Variants in CLCN4 observed in about 807,000 individuals in gnomAD.
CLCN4 encodes the protein Cl-/H+ antiporter 4, also known as H(+)/Cl(-) exchange transporter 4.
A neutral mutation model predicts 41.7 loss-of-function variants in CLCN4; 1 was observed. That is an observed-to-expected ratio of 0.02 (90% CI 0.01 to 0.11). The LOEUF is 0.11. CLCN4 is among the 10% of genes least tolerant of loss of function. The probability of loss-of-function intolerance (pLI) is 1.00; values close to 1 mark genes in which losing one functional copy is unlikely to be tolerated. For synonymous variants in CLCN4, 277 were observed against 285.8 expected, an observed-to-expected ratio of 0.97 and a Z score of 0.31; for missense variants, 287 against 661.0, an observed-to-expected ratio of 0.43 and a Z score of 6.20.
chrX:10,212,746 T>C lies in CLCN4; in HGVS notation c.1576+93T>C. 4.7e-6 allele frequency: 4 copies of C among 843,820 alleles called. No homozygotes were observed. In the South Asian group the frequency reaches 1.0e-4, roughly 22 times the overall value. 69.5% of individuals were successfully genotyped at this position (843,820 alleles called of 1,213,427 possible). On this transcript the variant is annotated intron_variant, in intron 10 of 12. Coordinates refer to ENST00000380833, the MANE Select transcript of CLCN4 (RefSeq NM_001830.4). Reference sequence around the variant, plus strand: ...GAAGACATGGACTTGAACATTTTCTTTACTCAGGATAGGCTGGGTTGTGTG... The same window carrying C: ...GAAGACATGGACTTGAACATTTTCTCTACTCAGGATAGGCTGGGTTGTGTG...
At chrX:10,187,658 G>C in intron 4 of CLCN4, 44 bp downstream of exon 4, 1 of 1,020,560 alleles carries the variant, frequency 9.8e-7, no homozygotes, top group Non-Finnish European at 1.4e-6. Context: ...AGCTGCAGAG[G>C]CCGAAACCTC....
chrX:10,228,416 C>G (rs950522043), intron 12 of CLCN4, among the ~76,000 whole-genome samples: 2 of 110,629 alleles, frequency 1.8e-5, no homozygotes, highest in African/African-American at 6.6e-5. Flanking sequence ...CCCTGCCAGC[C>G]GACCCTGACC....
intron 6 of CLCN4, among the ~76,000 whole-genome samples, chrX:10,204,613 CTTTTTTTTTTT>C (rs61453535): frequency 0.03 from 830 of 27,273 alleles, 22 homozygotes; most frequent in African/African-American, 0.059. Context: ...AGCTAGTAGT[CTTTTTTTTTTT>C]TTTTTTTTTT....
chrX:10,198,437 C>T (rs144811325), intron 6 of CLCN4, among the ~76,000 whole-genome samples: 2,282 of 112,053 alleles, frequency 0.02, 58 homozygotes, highest in African/African-American at 0.07. Flanking sequence ...CACATAAACA[C>T]GCTGTAATAA....
In CLCN4 at chrX:10,234,640, AAGAGAAATAC is replaced by A. The variant is rs1233132577; in HGVS notation, c.*1057_*1066del. 1 of 112,669 alleles carries A rather than the reference AAGAGAAATAC, an allele frequency of 8.9e-6. No individual in the cohort carries two copies. The highest frequency in any genetic ancestry group is 1.9e-5 in the Non-Finnish European group (1 of 53,347). 9.3% of individuals were successfully genotyped at this position (112,669 alleles called of 1,213,427 possible). ...GTTGGAATCCCTCCAAATGGATTGCAAGAGAAATACTAAATTGATTCTAAATCTGTTCCAT... is the reference window on the plus strand; with the variant it reads ...GTTGGAATCCCTCCAAATGGATTGCATAAATTGATTCTAAATCTGTTCCAT... On this transcript the variant is annotated 3_prime_UTR_variant, in exon 13 of 13. Coordinates refer to ENST00000380833, the MANE Select transcript of CLCN4 (RefSeq NM_001830.4).
At chrX:10,225,572 G>A (rs1015307941) in intron 12 of CLCN4, among the ~76,000 whole-genome samples, 5 of 111,912 alleles carry the variant, frequency 4.5e-5, no homozygotes, top group African/African-American at 1.6e-4. Flanking sequence ...AGTTTCTTTT[G>A]CTGTGCAGAA....
intron 2 of CLCN4, among the ~76,000 whole-genome samples, chrX:10,170,996 T>C (rs1923373763): frequency 8.9e-6 from 1 of 112,268 alleles, no homozygotes; most frequent in African/African-American, 3.2e-5. Flanking sequence ...GAGATTCTCT[T>C]GCGTCAGCCT....
At chrX:10,231,688 G>A (rs925976071) in intron 12 of CLCN4, among the ~76,000 whole-genome samples, 2 of 111,841 alleles carry the variant, frequency 1.8e-5, no homozygotes, top group African/African-American at 3.3e-5. Context: ...TTCCAACATA[G>A]GTAACGCTAT....
chrX:10,229,183 C>T (rs1047071201), intron 12 of CLCN4, among the ~76,000 whole-genome samples: 1 of 111,041 alleles, frequency 9.0e-6, no homozygotes, highest in Non-Finnish European at 1.9e-5. Flanking sequence ...ACTGGGGATT[C>T]CTATCTGCCT....
chrX:10,210,071 C>T (rs1924505449), intron 9 of CLCN4, among the ~76,000 whole-genome samples: 1 of 111,776 alleles, frequency 8.9e-6, no homozygotes, highest in African/African-American at 3.3e-5. Context: ...TTGGACACTT[C>T]ATATAAATGA....
At chrX:10,189,025 C>A (rs1923887082) in intron 4 of CLCN4, among the ~76,000 whole-genome samples, 1 of 112,194 alleles carries the variant, frequency 8.9e-6, no homozygotes, top group Non-Finnish European at 1.9e-5. Context: ...GTACTGGCAG[C>A]AGCCAGGGCA....
intron 2 of CLCN4, among the ~76,000 whole-genome samples, chrX:10,182,851 C>T (rs924861319): frequency 3.6e-5 from 4 of 112,526 alleles, no homozygotes; most frequent in African/African-American, 1.3e-4. Context: ...CTGCATGTTC[C>T]GTCAAAGTTT....
At chrX:10,196,538 C>CTTTTTTT (rs141362799) in intron 5 of CLCN4, among the ~76,000 whole-genome samples, 16,704 of 79,938 alleles carry the variant, frequency 0.21, 1,695 homozygotes, top group African/African-American at 0.28. Flanking sequence ...CCCTTCCCCA[C>CTTTTTTT]TTTTTTTTTT....
intron 5 of CLCN4, among the ~76,000 whole-genome samples, chrX:10,196,997 G>C (rs1004846169): frequency 8.9e-6 from 1 of 112,259 alleles, no homozygotes; most frequent in African/African-American, 3.2e-5. Flanking sequence ...GTAAAGGCCA[G>C]AGCAGTCTCC....
chrX:10,217,902 G>A (rs1181622529), intron 11 of CLCN4, among the ~76,000 whole-genome samples: 3 of 110,728 alleles, frequency 2.7e-5, no homozygotes, highest in Non-Finnish European at 3.8e-5. Flanking sequence ...GCCACCAGGC[G>A]TGGCTAATTT....
At position 10,208,189 on chromosome X, in the gene CLCN4, G is replaced by T. The variant is rs370623253; in HGVS notation, c.988G>T (p.Ala330Ser). The T allele has an allele frequency of 8.3e-7, 1 of 1,211,363 alleles. No homozygotes were observed. The highest frequency in any genetic ancestry group is 1.1e-6 in the Non-Finnish European group (1 of 895,503). The change falls in exon 9 of 13, where the codon GCT becomes TCT. Residue 330 changes from alanine to serine, a missense_variant. Ala to Ser is a moderately conservative substitution (Grantham distance 99, BLOSUM62 1). Around this residue, in one of 6 missense-constraint regions of CLCN4, gnomAD observed 94 missense variants for 177.9 expected, o/e 0.53. Coordinates refer to ENST00000380833, the MANE Select transcript of CLCN4 (RefSeq NM_001830.4). ...GGAATACCACACGCCCTGGTACATG[G>T]CTGAACTCTTCCCCTTCATCCTGCT... ...YVEYHTPWYM[A>S]ELFPFILLGV... is the part of the protein sequence containing the mutation.
chrX:10,192,496 G>A (rs1923993168), intron 4 of CLCN4, among the ~76,000 whole-genome samples: 1 of 111,401 alleles, frequency 9.0e-6, no homozygotes, highest in Non-Finnish European at 1.9e-5. Context: ...GCAGGTAGGA[G>A]AGCGTGGCAC....
intron 5 of CLCN4, among the ~76,000 whole-genome samples, chrX:10,196,241 T>G (rs1215012692): frequency 1.8e-5 from 2 of 112,756 alleles, no homozygotes; most frequent in Non-Finnish European, 3.7e-5. Flanking sequence ...TTATAGAGGA[T>G]GTTCTGGGCC....
At chrX:10,203,006 C>G in intron 6 of CLCN4, among the ~76,000 whole-genome samples, 1 of 111,769 alleles carries the variant, frequency 8.9e-6, no homozygotes, top group Non-Finnish European at 1.9e-5. Context: ...TTGCCATCTA[C>G]TGGGAATGAA....
Sources: gnomAD v4.1 joint callset for allele counts (sites outside exome capture counted in the v4.1 genomes callset) on GRCh38, gnomAD v4.1.1 for gene constraint, gnomAD v4.1.1 regional missense constraint, MANE v1.5 for transcripts, NCBI Gene and HGNC (gene_info 2026-07-23, HGNC 2026-07-21) for gene names.